Variants in PSMB7 observed in about 807,000 individuals in gnomAD.
The protein encoded by PSMB7 is proteasome subunit beta type-7.
In PSMB7, 5 loss-of-function variants were observed where a neutral mutation model predicts 28.1. That is an observed-to-expected ratio of 0.18 (90% CI 0.09 to 0.37). The LOEUF is 0.37. PSMB7 is among the 10% of genes least tolerant of loss of function. The probability of loss-of-function intolerance (pLI) is 1.00; values close to 1 mark genes in which losing one functional copy is unlikely to be tolerated. For synonymous variants in PSMB7, 122 were observed against 123.7 expected (o/e 0.99, Z 0.09); for missense variants, 275 against 346.2 (o/e 0.79, Z 1.63).
At chr9:124,376,038 A>G (rs1830606704) in intron 6 of PSMB7, among the ~76,000 whole-genome samples, 1 of 152,254 alleles carries the variant, frequency 6.6e-6, no homozygotes, top group African/African-American at 2.4e-5. Context: ...TCAGAGTCGC[A>G]CAGATGCAAC....
chr9:124,413,046 T>C (rs1054920242), intron 3 of PSMB7, among the ~76,000 whole-genome samples: 1 of 148,784 alleles, frequency 6.7e-6, no homozygotes, highest in Non-Finnish European at 1.5e-5. Flanking sequence ...CTGGGCATGA[T>C]GGCTCATGCC....
intron 6 of PSMB7, among the ~76,000 whole-genome samples, chr9:124,364,163 T>G (rs1830487240): frequency 6.6e-6 from 1 of 152,088 alleles, no homozygotes; most frequent in South Asian, 2.1e-4. Flanking sequence ...TTGCGTTATT[T>G]ATTGAATTCC....
chr9:124,367,861 C>T (rs1399722621), intron 6 of PSMB7, among the ~76,000 whole-genome samples: 1 of 152,196 alleles, frequency 6.6e-6, no homozygotes, highest in East Asian at 1.9e-4. Context: ...ATCTCCAACA[C>T]TCACAAACAC....
chr9:124,365,032 G>A (rs1266379023), intron 6 of PSMB7, among the ~76,000 whole-genome samples: 1 of 152,218 alleles, frequency 6.6e-6, no homozygotes. Flanking sequence ...GAAGTACAGA[G>A]TGCTCTTGTT....
At chr9:124,362,618 T>C (rs1051955536) in intron 6 of PSMB7, among the ~76,000 whole-genome samples, 3 of 152,134 alleles carry the variant, frequency 2.0e-5, no homozygotes, top group African/African-American at 7.2e-5. Flanking sequence ...GGATACAACA[T>C]CTCAGTTAGA....
At chr9:124,360,606 C>T (rs1255394354) in intron 6 of PSMB7, among the ~76,000 whole-genome samples, 1 of 152,240 alleles carries the variant, frequency 6.6e-6, no homozygotes, top group Non-Finnish European at 1.5e-5. Flanking sequence ...AAATGGCCCT[C>T]CAGGCCAACA....
At position 124,414,838 on chromosome 9, in the gene PSMB7, T is replaced by C. The variant is rs776148697; in HGVS notation, c.156+4A>G. The C allele has an allele frequency of 1.2e-6, 2 of 1,613,314 alleles. No homozygotes were observed. Among genetic ancestry groups the C allele is most frequent in the Non-Finnish European group, 1.7e-6 (2 of 1,179,372 alleles). ...ACTGCTGCTCTTAGCCTAACCCGGCTTACCTTATAGACCACCCCAGCGATG... is the reference window on the plus strand; with the variant it reads ...ACTGCTGCTCTTAGCCTAACCCGGCCTACCTTATAGACCACCCCAGCGATG... On this transcript the variant is annotated splice_donor_region_variant and intron_variant, in intron 2 of 7. Transcript: ENST00000259457.
chr9:124,375,686 C>A (rs1342659270), intron 6 of PSMB7, among the ~76,000 whole-genome samples: 1 of 152,174 alleles, frequency 6.6e-6, no homozygotes, highest in Non-Finnish European at 1.5e-5. Flanking sequence ...ATAAGAAAAT[C>A]ATTGTTTATA....
rs1456706397 is a variant in PSMB7, at chr9:124,356,463, A to C, written c.722+301T>G. Among the ~76,000 whole-genome samples, 1 of 152,312 alleles carries C rather than the reference A, an allele frequency of 6.6e-6. No individual in the cohort carries two copies. The highest frequency in any genetic ancestry group is 6.5e-5 in the Admixed American group (1 of 15,302). ...CTCCCAGAAATCAGGGGATTCTTTA[A>C]GACACTTGAGAAAGGACAGCAGATG... is the stretch of plus-strand genomic sequence containing the variant. On this transcript the variant is annotated intron_variant, in intron 7 of 7. Coordinates refer to ENST00000259457, the MANE Select transcript of PSMB7 (RefSeq NM_002799.4). This position sits in a 1 kb window ranked among gnomAD's most constrained non-coding sequence, Gnocchi z 4.4.
At chr9:124,380,447 G>A (rs766537636) in intron 6 of PSMB7, among the ~76,000 whole-genome samples, 2 of 152,056 alleles carry the variant, frequency 1.3e-5, no homozygotes, top group Non-Finnish European at 2.9e-5. Context: ...AGGCAGAGGC[G>A]AGAAGATCAC....
chr9:124,412,624 TTC>T (rs1283013327), intron 3 of PSMB7, 132 bp from the exon 4 acceptor site: 2 of 874,906 alleles, frequency 2.3e-6, no homozygotes, highest in Admixed American at 3.1e-5. Flanking sequence ...ATGCTGTAAC[TTC>T]TCTGTTTAGT....
intron 6 of PSMB7, among the ~76,000 whole-genome samples, chr9:124,369,654 T>C (rs1213019093): frequency 6.6e-6 from 1 of 152,174 alleles, no homozygotes; most frequent in African/African-American, 2.4e-5. Flanking sequence ...GCCATTTCCC[T>C]TCCCAGCTGT....
At chr9:124,414,565 T>C (rs1356201581) in intron 2 of PSMB7, among the ~76,000 whole-genome samples, 2 of 150,638 alleles carry the variant, frequency 1.3e-5, no homozygotes, top group African/African-American at 4.9e-5. Context: ...TCCCATCACA[T>C]ACTTCAGCTT....
At chr9:124,397,219 T>C (rs1332814602) in intron 5 of PSMB7, among the ~76,000 whole-genome samples, 1 of 152,146 alleles carries the variant, frequency 6.6e-6, no homozygotes, top group Non-Finnish European at 1.5e-5. Flanking sequence ...CTCACAGTGG[T>C]GCAAAGATTG....
chr9:124,411,211 A>AAC (rs1434609182), intron 4 of PSMB7, among the ~76,000 whole-genome samples: 1 of 152,154 alleles, frequency 6.6e-6, no homozygotes, highest in African/African-American at 2.4e-5. Context: ...ACCTCAGGTG[A>AAC]TCCGCCAACC....
chr9:124,388,447 CT>C (rs1412181300), intron 5 of PSMB7, among the ~76,000 whole-genome samples: 1 of 152,222 alleles, frequency 6.6e-6, no homozygotes, highest in Non-Finnish European at 1.5e-5. Context: ...GAACAAGGGC[CT>C]TCTGCTAAGC....
intron 4 of PSMB7, among the ~76,000 whole-genome samples, chr9:124,412,011 T>A (rs1831032085): frequency 6.6e-6 from 1 of 152,172 alleles, no homozygotes; most frequent in Admixed American, 6.5e-5. Context: ...TTTGTGTTTA[T>A]GGGGAGGAGA....
intron 6 of PSMB7, among the ~76,000 whole-genome samples, chr9:124,367,021 C>T (rs116385231): frequency 0.017 from 2,622 of 152,248 alleles, 79 homozygotes; most frequent in African/African-American, 0.06. Context: ...AACTATAGTT[C>T]GACTTGTGCT....
chr9:124,400,394 T>C (rs748569321), intron 5 of PSMB7, among the ~76,000 whole-genome samples: 4 of 152,200 alleles, frequency 2.6e-5, no homozygotes, highest in Admixed American at 2.0e-4. Context: ...AATTTGGCAA[T>C]AGCTCTCAAA....
Sources: allele counts gnomAD v4.1 joint callset (sites outside exome capture counted in the v4.1 genomes callset), GRCh38; gene constraint gnomAD v4.1.1; non-coding constraint Gnocchi (gnomAD v3.1); transcripts MANE v1.5; gene names NCBI Gene and HGNC (gene_info 2026-07-23, HGNC 2026-07-21).